The following RSPH9 variants were observed in gnomAD, a reference collection of about 807,000 sequenced individuals.
RSPH9 encodes the protein radial spoke head protein 9 homolog.
A neutral mutation model predicts 27.0 loss-of-function variants in RSPH9; 27 were observed. The observed-to-expected ratio is 1.00, with a 90% CI of 0.74 to 1.38. The LOEUF is 1.38. RSPH9 is among the 40% of genes most tolerant of loss of function. RSPH9 has a pLI of 0.00. For synonymous variants in RSPH9, 145 were observed against 147.7 expected (o/e 0.98, Z 0.13); for missense variants, 347 against 357.4 (o/e 0.97, Z 0.24).
At chr6:43,650,905 T>TAA (rs57197298) in intron 2 of RSPH9, among the ~76,000 whole-genome samples, 3,628 of 99,866 alleles carry the variant, frequency 0.036, 158 homozygotes, top group African/African-American at 0.1. Flanking sequence ...ACCCTGTCTA[T>TAA]AAAAAAAAAA....
chr6:43,668,041 G>A (rs1773321293), intron 4 of RSPH9, among the ~76,000 whole-genome samples: 1 of 152,138 alleles, frequency 6.6e-6, no homozygotes, highest in Admixed American at 6.5e-5. Context: ...TTACCAACCT[G>A]TACCCATCAC....
In RSPH9 at chr6:43,670,641, G is replaced by A. The variant is rs1773620723; in HGVS notation, c.671-148G>A. 3 of 644,662 alleles carry A rather than the reference G, an allele frequency of 4.7e-6. No homozygotes were observed. In the South Asian group the frequency reaches 5.6e-5, roughly 12 times the overall value. 39.9% of individuals were successfully genotyped at this position (644,662 alleles called of 1,614,324 possible). A position where few individuals can be genotyped will look rare whatever the true frequency, so the allele number is the denominator to read the frequency against. ...ATAATGGCTAAAAGACAATCAGGGA[G>A]TAAAGCATCTGGAGAATTAAATGGT... On this transcript the variant is annotated intron_variant, in intron 4 of 4. Coordinates refer to ENST00000372163, the MANE Select transcript of RSPH9 (RefSeq NM_152732.5).
chr6:43,658,287 G>A (rs1186118526), intron 4 of RSPH9, among the ~76,000 whole-genome samples: 14 of 87,320 alleles, frequency 1.6e-4, no homozygotes, highest in Admixed American at 1.0e-3. Flanking sequence ...GCAAAACTCC[G>A]TCTCAAAAAA....
At chr6:43,651,630 C>A (rs1771478356) in intron 2 of RSPH9, among the ~76,000 whole-genome samples, 1 of 151,938 alleles carries the variant, frequency 6.6e-6, no homozygotes, top group African/African-American at 2.4e-5. Context: ...CTCACTGCAA[C>A]CTCCGCCTCC....
chr6:43,661,726 A>C (rs1306975429), intron 4 of RSPH9, among the ~76,000 whole-genome samples: 1 of 150,968 alleles, frequency 6.6e-6, no homozygotes, highest in Admixed American at 6.6e-5. Context: ...AGGCTGTTTC[A>C]TCTCCATTAA....
At chr6:43,654,408 G>A (rs921742296) in intron 2 of RSPH9, among the ~76,000 whole-genome samples, 2 of 152,122 alleles carry the variant, frequency 1.3e-5, no homozygotes, top group Non-Finnish European at 2.9e-5. Flanking sequence ...ATGCATAGAG[G>A]GCTGGGTGCT....
rs1213728010 is a variant in RSPH9 at position 43,656,704 on chromosome 6, G to A, written c.651G>A (p.Leu217=). The change falls in exon 4 of 5, where the codon TTG becomes TTA. Residue 217 remains leucine, a synonymous_variant. Coordinates refer to ENST00000372163, the MANE Select transcript of RSPH9 (RefSeq NM_152732.5). ...LDPSLDFMDS[L]EHDIPKGSWS... ...CCTCCCTGGATTTCATGGACTCCTTGGAGCATGACATTCCCAAAGGTAATA... is the reference window on the plus strand; with the variant it reads ...CCTCCCTGGATTTCATGGACTCCTTAGAGCATGACATTCCCAAAGGTAATA... 2 of 1,614,174 alleles carry A rather than the reference G, an allele frequency of 1.2e-6. No homozygotes were observed. Among genetic ancestry groups the A allele is most frequent in the South Asian group, 2.2e-5 (2 of 91,084 alleles).
Position 43,671,531 on chromosome 6 carries a change from T to C in RSPH9, c.*582T>C, listed in dbSNP as rs575807489. On this transcript the variant is annotated 3_prime_UTR_variant, in exon 5 of 5. Transcript: ENST00000372163. ...AGCACTGAGCATGGCCTAAGCCCCA[T>C]AGCAGCTGGCAAGGGACCCAACTGC... is the stretch of plus-strand genomic sequence containing the variant. 3.4e-6 allele frequency: 2 copies of C among 580,224 alleles called. No homozygotes were observed. The highest frequency in any genetic ancestry group is 6.1e-6 in the Non-Finnish European group (2 of 326,318). The allele number at this position is 580,224 out of a possible 1,614,324, so 35.9% of individuals were successfully genotyped here.
chr6:43,666,639 C>T (rs934517899), intron 4 of RSPH9: 5 of 661,732 alleles, frequency 7.6e-6, no homozygotes, highest in Non-Finnish European at 7.7e-6. Flanking sequence ...CAGGGATCCG[C>T]AAAGTTCCAT....
intron 4 of RSPH9, among the ~76,000 whole-genome samples, chr6:43,660,142 C>T (rs1231218474): frequency 1.4e-5 from 2 of 147,358 alleles, no homozygotes; most frequent in African/African-American, 5.0e-5. Flanking sequence ...CTCCTGGGTT[C>T]AAGTGATTTT....
At chr6:43,651,966 A>T (rs764178802) in intron 2 of RSPH9, among the ~76,000 whole-genome samples, 2 of 151,994 alleles carry the variant, frequency 1.3e-5, no homozygotes, top group Non-Finnish European at 2.9e-5. Flanking sequence ...AGAGTTAGAA[A>T]TGTAGGATCT....
chr6:43,650,441 G>A lies in RSPH9; in HGVS notation c.294G>A (p.Val98=). The change falls in exon 2 of 5, where the codon GTG becomes GTA. Residue 98 remains valine, a synonymous_variant. Coordinates refer to ENST00000372163, the MANE Select transcript of RSPH9 (RefSeq NM_152732.5). ...ATEEMVAQSS[V]VKGRFMGDPS... ...AGGAGATGGTGGCGCAGTCGTCTGT[G>A]GTGAAGGGCCGCTTCATGGGGGACC... The A allele has an allele frequency of 6.2e-7, 1 of 1,614,118 alleles. No individual in the cohort carries two copies. Among genetic ancestry groups the A allele is most frequent in the Non-Finnish European group, 8.5e-7 (1 of 1,180,028 alleles).
At chr6:43,650,839 A>G (rs1455854132) in intron 2 of RSPH9, among the ~76,000 whole-genome samples, 2 of 150,558 alleles carry the variant, frequency 1.3e-5, no homozygotes, top group Non-Finnish European at 2.9e-5. Flanking sequence ...CCAGGAGGTG[A>G]GCTTGCAGTG....
At position 43,655,582 on chromosome 6, in the gene RSPH9, C is replaced by A; in HGVS notation, c.414C>A (p.Thr138=). ...EEIVVQIKEE[T]RLVSVIDQID... Reference sequence around the variant, plus strand: ...CTCAGGTCCAGATCAAGGAAGAGACCCGCTTGGTGTCTGTCATTGACCAGA... The same window carrying A: ...CTCAGGTCCAGATCAAGGAAGAGACACGCTTGGTGTCTGTCATTGACCAGA... Residue 138 remains threonine, a synonymous_variant, in exon 3 of 5, where the codon ACC becomes ACA. Transcript: ENST00000372163. The A allele has an allele frequency of 6.2e-7, 1 of 1,614,104 alleles. No individual in the cohort carries two copies. Among genetic ancestry groups the A allele is most frequent in the Non-Finnish European group, 8.5e-7 (1 of 1,180,006 alleles).
intron 2 of RSPH9, among the ~76,000 whole-genome samples, chr6:43,651,640 C>T (rs976635048): frequency 6.6e-6 from 1 of 152,050 alleles, no homozygotes; most frequent in African/African-American, 2.4e-5. Context: ...CCTCCGCCTC[C>T]TGGGTTCAAG....
intron 4 of RSPH9, among the ~76,000 whole-genome samples, chr6:43,660,265 T>C (rs1462690643): frequency 6.6e-6 from 1 of 152,004 alleles, no homozygotes; most frequent in East Asian, 1.9e-4. Flanking sequence ...GATCTTGAAC[T>C]CCTGACCTCA....
intron 4 of RSPH9, among the ~76,000 whole-genome samples, chr6:43,663,847 T>C (rs145906625): frequency 0.042 from 6,438 of 151,856 alleles, 264 homozygotes; most frequent in East Asian, 0.21. Flanking sequence ...CTGGCCAACA[T>C]AGTGAAACCC....
chr6:43,645,213 T>C lies in RSPH9; in HGVS notation c.115T>C (p.Tyr39His), dbSNP rs1354820448. 1.2e-6 allele frequency: 2 copies of C among 1,614,048 alleles called. No individual in the cohort carries two copies. The highest frequency in any genetic ancestry group is 1.7e-6 in the Non-Finnish European group (2 of 1,180,014). ...GTCTCTTATGCTGGTTAAGCGCGAC[T>C]ACCGCTATGATCGGGTTCTCTTCTG... is the stretch of plus-strand genomic sequence containing the variant. ...LTSLMLVKRD[Y>H]RYDRVLFWGR... The change falls in exon 1 of 5, where the codon TAC becomes CAC. Residue 39 changes from tyrosine to histidine, a missense_variant. Tyr to His is a moderately conservative substitution (Grantham distance 83). Transcript: ENST00000372163.
At chr6:43,667,782 T>A (rs1773295391) in intron 4 of RSPH9, among the ~76,000 whole-genome samples, 1 of 149,228 alleles carries the variant, frequency 6.7e-6, no homozygotes, top group South Asian at 2.1e-4. Context: ...CCCATGGCCA[T>A]TTTTTTTTTG....
Sources: allele counts gnomAD v4.1 joint callset (sites outside exome capture counted in the v4.1 genomes callset), GRCh38; gene constraint gnomAD v4.1.1; transcripts MANE v1.5; gene names NCBI Gene and HGNC (gene_info 2026-07-23, HGNC 2026-07-21).